Variants in RALGAPA2 observed in about 807,000 individuals in gnomAD.
The protein encoded by RALGAPA2 is ral GTPase-activating protein subunit alpha-2.
In RALGAPA2, 139 loss-of-function variants were observed where a neutral mutation model predicts 230.4. That is an observed-to-expected ratio of 0.60 (90% CI 0.53 to 0.69). RALGAPA2 has a LOEUF of 0.69. Ranked by LOEUF, RALGAPA2 falls within the 30% of genes least tolerant of loss-of-function variation. The probability of loss-of-function intolerance (pLI) is 0.00; values close to 1 mark genes in which losing one functional copy is unlikely to be tolerated. For missense variants in RALGAPA2, 2,163 were observed against 2,276.0 expected (o/e 0.95, Z 1.01); for synonymous variants, 847 against 837.8 (o/e 1.01, Z -0.19).
chr20:20,647,229 A>G (rs2067244693), intron 4 of RALGAPA2, among the ~76,000 whole-genome samples: 1 of 152,166 alleles, frequency 6.6e-6, no homozygotes, highest in Non-Finnish European at 1.5e-5. Flanking sequence ...ATCTTTTCTT[A>G]TTTAGTTTTA....
intron 35 of RALGAPA2, 116 bp downstream of exon 35, chr20:20,503,235 C>T (rs543452755): frequency 1.9e-5 from 19 of 1,026,614 alleles, no homozygotes; most frequent in Non-Finnish European, 2.2e-5. Context: ...ATCTCAGGGT[C>T]GTAGAGTTCA....
At chr20:20,413,317 G>A (rs1488760495) in intron 37 of RALGAPA2, among the ~76,000 whole-genome samples, 4 of 152,188 alleles carry the variant, frequency 2.6e-5, no homozygotes, top group Non-Finnish European at 5.9e-5. Flanking sequence ...AAGACAGCAC[G>A]TGTTTTTAAA....
intron 16 of RALGAPA2, among the ~76,000 whole-genome samples, chr20:20,600,136 GA>G (rs991892311): frequency 2.1e-5 from 3 of 146,192 alleles, no homozygotes; most frequent in Non-Finnish European, 3.0e-5. Context: ...CTCTACTGAA[GA>G]AAAAAAAAAT....
At chr20:20,658,263 C>A (rs2067656316) in intron 3 of RALGAPA2, among the ~76,000 whole-genome samples, 1 of 152,184 alleles carries the variant, frequency 6.6e-6, no homozygotes, top group Non-Finnish European at 1.5e-5. Context: ...CACACTGATG[C>A]TTTTTGTACC....
At chr20:20,701,186 G>A (rs902104009) in intron 1 of RALGAPA2, among the ~76,000 whole-genome samples, 5 of 152,154 alleles carry the variant, frequency 3.3e-5, no homozygotes, top group African/African-American at 1.2e-4. Context: ...CTTGAACAAG[G>A]TTCTTAACCT....
At chr20:20,538,887 C>T (rs1285138881) in intron 24 of RALGAPA2, among the ~76,000 whole-genome samples, 1 of 152,086 alleles carries the variant, frequency 6.6e-6, no homozygotes, top group Non-Finnish European at 1.5e-5. Context: ...CCCATGATAG[C>T]CTCCCCTCCT....
chr20:20,651,688 C>T (rs2067403271), intron 4 of RALGAPA2, among the ~76,000 whole-genome samples: 1 of 152,206 alleles, frequency 6.6e-6, no homozygotes, highest in Non-Finnish European at 1.5e-5. Context: ...AATTTTCACA[C>T]ATAGTCCTAA....
In RALGAPA2 at chr20:20,390,104, T is replaced by C. The variant is rs1280806015; in HGVS notation, c.*3185A>G. The C allele has an allele frequency of 1.3e-5, 2 of 152,282 alleles. No individual in the cohort carries two copies. The highest frequency in any genetic ancestry group is 2.1e-4 in the South Asian group (1 of 4,812). The allele number at this position is 152,282 out of a possible 1,614,324, so 9.4% of individuals were successfully genotyped here. On this transcript the variant is annotated 3_prime_UTR_variant, in exon 40 of 40. Coordinates refer to ENST00000202677, the MANE Select transcript of RALGAPA2 (RefSeq NM_020343.4). The stretch of plus-strand genomic sequence containing the variant: ...CATTTACGACATCACAGTTAGGTTT[T>C]AAAGGATTCATCAGACCTCCACATG...
At chr20:20,525,134 A>C (rs768588096) in intron 28 of RALGAPA2, among the ~76,000 whole-genome samples, 4 of 152,256 alleles carry the variant, frequency 2.6e-5, no homozygotes, top group Non-Finnish European at 5.9e-5. Context: ...GAGGGAAGGC[A>C]GAGAAAAGAG....
At chr20:20,619,145 G>A (rs928016615) in intron 12 of RALGAPA2, 132 bp downstream of exon 12, 1 of 967,916 alleles carries the variant, frequency 1.0e-6, no homozygotes, top group East Asian at 3.1e-5. Flanking sequence ...TTAAATTGCT[G>A]TTTATCGTTT....
intron 32 of RALGAPA2, among the ~76,000 whole-genome samples, chr20:20,512,228 C>CACACACACACAA (rs2062729502): frequency 6.8e-6 from 1 of 147,986 alleles, no homozygotes. Context: ...CCCCCCTACA[C>CACACACACACAA]ACACACACAC....
chr20:20,626,329 A>G (rs1014534029), intron 10 of RALGAPA2, among the ~76,000 whole-genome samples: 2 of 152,250 alleles, frequency 1.3e-5, no homozygotes, highest in Non-Finnish European at 2.9e-5. Context: ...TTAACAACAC[A>G]TAATACTTAG....
chr20:20,526,329 C>T lies in RALGAPA2; in HGVS notation c.3616G>A (p.Asp1206Asn), dbSNP rs761956677. 2.1e-5 allele frequency: 33 copies of T among 1,606,766 alleles called. 1 individual carries two copies. The South Asian group carries it at 2.7e-4, about 13-fold the overall frequency. Residue 1206 changes from aspartate to asparagine, a missense_variant, in exon 28 of 40, where the codon GAT becomes AAT. Transcript: ENST00000202677. ...PNKIVAQVAC[D>N]VLQLLVSYWE... The stretch of plus-strand genomic sequence containing the variant: ...TAGGAAACCAGCAACTGAAGGACAT[C>T]GCAAGCTACCTGGGCCACGATTTTG...
At chr20:20,709,305 T>C (rs978777207) in intron 1 of RALGAPA2, among the ~76,000 whole-genome samples, 36 of 150,038 alleles carry the variant, frequency 2.4e-4, no homozygotes, top group Non-Finnish European at 4.4e-4. Context: ...GGTAACAGAG[T>C]GAGACTCCAT....
At chr20:20,513,829 C>T (rs548400710) in intron 31 of RALGAPA2, among the ~76,000 whole-genome samples, 6 of 152,200 alleles carry the variant, frequency 3.9e-5, no homozygotes, top group Non-Finnish European at 5.9e-5. Context: ...CTGTGGAAAG[C>T]GCACCAGCAG....
In RALGAPA2 at chr20:20,605,475, A is replaced by G. The variant is rs1305245978; in HGVS notation, c.1801-63T>C. On this transcript the variant is annotated intron_variant, in intron 14 of 39. Transcript: ENST00000202677. ...TCATTTGGAAAAAGCATACTTTTAA[A>G]CAAAATGTTTTAAATTACTATTAAT... 4.0e-6 allele frequency: 5 copies of G among 1,255,090 alleles called. No individual in the cohort carries two copies. In the Admixed American group the frequency reaches 9.4e-5, roughly 24 times the overall value. 77.7% of individuals were successfully genotyped at this position (1,255,090 alleles called of 1,614,324 possible).
chr20:20,535,351 C>T (rs1330787696), intron 26 of RALGAPA2, among the ~76,000 whole-genome samples: 2 of 152,188 alleles, frequency 1.3e-5, no homozygotes, highest in Non-Finnish European at 2.9e-5. Context: ...CAGAATATTT[C>T]CAGACACTGC....
At chr20:20,446,836 G>A (rs1455387937) in intron 37 of RALGAPA2, among the ~76,000 whole-genome samples, 3 of 152,150 alleles carry the variant, frequency 2.0e-5, no homozygotes, top group African/African-American at 4.8e-5. Context: ...ACAAGTCACC[G>A]AGCCTCTTTG....
chr20:20,504,376 C>T (rs189022175), intron 34 of RALGAPA2, among the ~76,000 whole-genome samples: 2 of 152,272 alleles, frequency 1.3e-5, no homozygotes, highest in African/African-American at 4.8e-5. Flanking sequence ...CCTTAGTCCC[C>T]TTGCTAGCAC....
Sources: gnomAD v4.1 joint callset for allele counts (sites outside exome capture counted in the v4.1 genomes callset) on GRCh38, gnomAD v4.1.1 for gene constraint, MANE v1.5 for transcripts, NCBI Gene and HGNC (gene_info 2026-07-23, HGNC 2026-07-21) for gene names.